Variants in KCND2 observed in about 807,000 individuals in gnomAD.
KCND2 encodes the protein A-type voltage-gated potassium channel KCND2.
Under a neutral mutation model 54.4 loss-of-function variants are expected in KCND2, and 16 were observed. The ratio of observed to expected loss-of-function variants is 0.29; its 90% CI spans 0.20 to 0.45. The LOEUF is 0.45. Ranked by LOEUF, KCND2 falls within the 20% of genes least tolerant of loss-of-function variation. The pLI, the probability that KCND2 is intolerant of heterozygous loss-of-function variation, is 1.00. For synonymous variants in KCND2, 317 were observed against 310.7 expected (o/e 1.02, Z -0.21); for missense variants, 486 against 824.2 (o/e 0.59, Z 5.02).
chr7:120,545,061 C>G (rs1321330487), intron 1 of KCND2, among the ~76,000 whole-genome samples: 8 of 151,890 alleles, frequency 5.3e-5, no homozygotes, highest in South Asian at 2.1e-4. Flanking sequence ...CTCCTTCACT[C>G]TCTTCTTCTC....
chr7:120,468,850 T>A (rs749254468), intron 1 of KCND2, among the ~76,000 whole-genome samples: 104 of 152,268 alleles, frequency 6.8e-4, no homozygotes, highest in Admixed American at 1.5e-3. Context: ...GCACAGGATA[T>A]AGGCCCAGCT....
At chr7:120,670,428 A>C (rs1413294526) in intron 1 of KCND2, among the ~76,000 whole-genome samples, 1 of 152,084 alleles carries the variant, frequency 6.6e-6, no homozygotes, top group Non-Finnish European at 1.5e-5. Context: ...AACCTCCCAA[A>C]GATGGAGAAG....
At chr7:120,464,114 CT>C (rs1331353448) in intron 1 of KCND2, 4 of 978,418 alleles carry the variant, frequency 4.1e-6, no homozygotes, top group East Asian at 1.1e-4. Context: ...TGGTTTCCCC[CT>C]AGCTATCATT....
chr7:120,746,952 AT>A (rs1170001171), intron 5 of KCND2: 1 of 152,156 alleles, frequency 6.6e-6, no homozygotes, highest in South Asian at 2.1e-4. Context: ...TCTTCAAGAT[AT>A]TTTAGCTTTG....
intron 1 of KCND2, among the ~76,000 whole-genome samples, chr7:120,516,584 C>T (rs1237329264): frequency 6.6e-6 from 1 of 152,076 alleles, no homozygotes; most frequent in Admixed American, 6.6e-5. Context: ...CTTTATGTTA[C>T]TCACATCCAG....
chr7:120,292,259 A>G (rs1334652051), intron 1 of KCND2, among the ~76,000 whole-genome samples: 1 of 151,932 alleles, frequency 6.6e-6, no homozygotes, highest in Non-Finnish European at 1.5e-5. Context: ...CTCTGATAAG[A>G]AAGCAATGAT....
chr7:120,454,698 C>A (rs1447223014), intron 1 of KCND2, among the ~76,000 whole-genome samples: 1 of 151,854 alleles, frequency 6.6e-6, no homozygotes, highest in African/African-American at 2.4e-5. Flanking sequence ...CTAACTCATT[C>A]TAGGAATAAA....
At chr7:120,655,898 C>G (rs1452765814) in intron 1 of KCND2, among the ~76,000 whole-genome samples, 1 of 151,996 alleles carries the variant, frequency 6.6e-6, no homozygotes, top group Non-Finnish European at 1.5e-5. Context: ...ATCTATATTT[C>G]TAGTCAATCT....
At chr7:120,580,803 TA>T (rs1229757842) in intron 1 of KCND2, among the ~76,000 whole-genome samples, 3 of 152,224 alleles carry the variant, frequency 2.0e-5, no homozygotes, top group African/African-American at 7.2e-5. Flanking sequence ...TTGTTTTTAT[TA>T]TGAACTTGCT....
At chr7:120,302,946 G>A (rs1437949055) in intron 1 of KCND2, among the ~76,000 whole-genome samples, 2 of 152,068 alleles carry the variant, frequency 1.3e-5, no homozygotes, top group Non-Finnish European at 1.5e-5. Flanking sequence ...TCTCTACAAG[G>A]TCACACAACA....
intron 1 of KCND2, among the ~76,000 whole-genome samples, chr7:120,454,767 C>A (rs1802169714): frequency 6.6e-6 from 1 of 152,154 alleles, no homozygotes; most frequent in South Asian, 2.1e-4. Flanking sequence ...TGGTATGTTT[C>A]TATACCAAGA....
At chr7:120,690,890 C>A (rs1386930005) in intron 1 of KCND2, among the ~76,000 whole-genome samples, 6 of 151,890 alleles carry the variant, frequency 4.0e-5, no homozygotes. Context: ...GTAATGCATG[C>A]TATAAAGAAA....
intron 1 of KCND2, among the ~76,000 whole-genome samples, chr7:120,420,441 G>T (rs1440767948): frequency 6.6e-6 from 1 of 152,154 alleles, no homozygotes; most frequent in Non-Finnish European, 1.5e-5. Flanking sequence ...TCTTGATAGA[G>T]AGGGAAAGAA....
chr7:120,502,575 C>G (rs763403126), intron 1 of KCND2, among the ~76,000 whole-genome samples: 7 of 152,046 alleles, frequency 4.6e-5, no homozygotes, highest in Non-Finnish European at 8.8e-5. Flanking sequence ...ACATTTCCAG[C>G]TTTGGTGTGC....
At chr7:120,375,177 T>C (rs1399048756) in intron 1 of KCND2, among the ~76,000 whole-genome samples, 1 of 151,976 alleles carries the variant, frequency 6.6e-6, no homozygotes, top group African/African-American at 2.4e-5. Flanking sequence ...ATCCCTGAAG[T>C]ATCTTAAACT....
intron 1 of KCND2, among the ~76,000 whole-genome samples, chr7:120,646,283 T>C (rs1424785064): frequency 1.3e-5 from 2 of 152,178 alleles, no homozygotes; most frequent in Non-Finnish European, 2.9e-5. Context: ...AACATCCTTC[T>C]TCTCCATGGC....
chr7:120,740,958 G>A, intron 2 of KCND2: 1 of 451,094 alleles, frequency 2.2e-6, no homozygotes, highest in Admixed American at 2.4e-5. Flanking sequence ...ATGTTGTTTG[G>A]CATGGGATCT....
chr7:120,591,305 G>GT (rs1792668992), intron 1 of KCND2, among the ~76,000 whole-genome samples: 1 of 152,164 alleles, frequency 6.6e-6, no homozygotes, highest in Admixed American at 6.5e-5. Flanking sequence ...TGTTCACTAA[G>GT]TATCATCGGT....
chr7:120,667,567 T>G (rs1256770592), intron 1 of KCND2, among the ~76,000 whole-genome samples: 1 of 152,050 alleles, frequency 6.6e-6, no homozygotes, highest in African/African-American at 2.4e-5. Context: ...AAGCACCAGG[T>G]TGAGTGAGAT....
Sources: allele counts gnomAD v4.1 joint callset (sites outside exome capture counted in the v4.1 genomes callset), GRCh38; gene constraint gnomAD v4.1.1; transcripts MANE v1.5; gene names NCBI Gene and HGNC (gene_info 2026-07-23, HGNC 2026-07-21).